IPMK: variants seen among roughly 807,000 people sequenced by gnomAD.
IPMK encodes inositol polyphosphate multikinase.
In IPMK, 17 loss-of-function variants were observed where a neutral mutation model predicts 45.8. The observed-to-expected ratio is 0.37, with a 90% CI of 0.25 to 0.56. The LOEUF (loss-of-function observed/expected upper bound fraction) is 0.56, where lower values mean the gene tolerates loss of function less well. IPMK is among the 20% of genes least tolerant of loss of function. The pLI, the probability that IPMK is intolerant of heterozygous loss-of-function variation, is 0.79. For synonymous variants in IPMK, 180 were observed against 184.3 expected (o/e 0.98, Z 0.19); for missense variants, 399 against 498.0 (o/e 0.80, Z 1.89).
chr10:58,218,238 G>T (rs1241930183), intron 3 of IPMK, among the ~76,000 whole-genome samples: 3 of 152,122 alleles, frequency 2.0e-5, no homozygotes, highest in Non-Finnish European at 4.4e-5. Context: ...CAGGATAAGA[G>T]AAAACAAAAG....
chr10:58,267,875 A>C lies in IPMK; in HGVS notation c.-264T>G. ...CGCCGGCCCCGGCGCTGCCCGGTAG[A>C]CAGAACCGAGCCGAAGAACAGCAGC... On this transcript the variant is annotated 5_prime_UTR_variant, in exon 1 of 6. Transcript: ENST00000373935. The C allele has an allele frequency of 2.5e-6, 1 of 407,886 alleles. No individual in the cohort carries two copies. 25.3% of individuals were successfully genotyped at this position (407,886 alleles called of 1,614,324 possible).
chr10:58,253,746 A>AG (rs947590969), intron 1 of IPMK, among the ~76,000 whole-genome samples: 1 of 137,358 alleles, frequency 7.3e-6, no homozygotes, highest in African/African-American at 3.1e-5. Flanking sequence ...AAAAAAAAAA[A>AG]AAAAGAAAAA....
At chr10:58,258,641 G>T (rs1451333266) in intron 1 of IPMK, among the ~76,000 whole-genome samples, 2 of 151,972 alleles carry the variant, frequency 1.3e-5, no homozygotes, top group African/African-American at 2.4e-5. Context: ...AATTCACAAT[G>T]GAAATTAGAA....
chr10:58,212,057 C>T (rs12251970), intron 4 of IPMK, among the ~76,000 whole-genome samples: 6,483 of 151,906 alleles, frequency 0.043, 182 homozygotes, highest in East Asian at 0.14. Flanking sequence ...CAACTACTTC[C>T]ATTGTAGGTG....
In IPMK at chr10:58,261,085, T is replaced by C. The variant is rs560728501; in HGVS notation, c.190+6337A>G. Among the ~76,000 whole-genome samples, 7 of 131,194 alleles carry C rather than the reference T, an allele frequency of 5.3e-5. No homozygotes were observed. In the South Asian group the frequency reaches 1.6e-3, roughly 30 times the overall value. 86.1% of individuals were successfully genotyped at this position (131,194 alleles called of 152,430 possible). A position where few individuals can be genotyped will look rare whatever the true frequency, so the allele number is the denominator to read the frequency against. On this transcript the variant is annotated intron_variant, in intron 1 of 5. Transcript: ENST00000373935. ...GCCAAAAGCAAATCCAGGAAATTGA[T>C]TGAATATGCACGGCTGAGCTATAAA...
At chr10:58,249,236 T>G (rs1838848429) in intron 1 of IPMK, among the ~76,000 whole-genome samples, 1 of 152,172 alleles carries the variant, frequency 6.6e-6, no homozygotes, top group Non-Finnish European at 1.5e-5. Context: ...TGTTGTTGTT[T>G]TTGAGATAGG....
chr10:58,199,351 G>A, intron 4 of IPMK, 30 bp from the exon 5 acceptor site: 1 of 1,471,000 alleles, frequency 6.8e-7, no homozygotes, highest in Non-Finnish European at 9.3e-7. Flanking sequence ...ATATTAAAAA[G>A]CTAATACTCC....
intron 2 of IPMK, among the ~76,000 whole-genome samples, chr10:58,235,603 G>A (rs894494429): frequency 6.6e-6 from 1 of 152,188 alleles, no homozygotes; most frequent in Non-Finnish European, 1.5e-5. Flanking sequence ...ACTAATAGGT[G>A]GGAATTGAAC....
At chr10:58,217,178 T>TTTA (rs1564530957) in intron 3 of IPMK, among the ~76,000 whole-genome samples, 1 of 149,662 alleles carries the variant, frequency 6.7e-6, no homozygotes, top group Non-Finnish European at 1.5e-5. Flanking sequence ...TTTTTTTTTT[T>TTTA]AGAACACAGG....
chr10:58,230,156 C>G lies in IPMK; in HGVS notation c.277-3017G>C, dbSNP rs181187687. Among the ~76,000 whole-genome samples, 272 of 152,314 alleles carry G rather than the reference C, an allele frequency of 1.8e-3. 1 individual carries two copies. The highest frequency in any genetic ancestry group is 6.3e-3 in the African/African-American group (262 of 41,566). ...TGGTAAACAAAGAAGCTGGGAAGCT[C>G]GAACTGGGTGGAGCCCACTGCAGCT... On this transcript the variant is annotated intron_variant, in intron 2 of 5. Coordinates refer to ENST00000373935, the MANE Select transcript of IPMK (RefSeq NM_152230.5).
intron 1 of IPMK, among the ~76,000 whole-genome samples, chr10:58,266,754 CAAG>C (rs1481704889): frequency 6.6e-6 from 1 of 152,136 alleles, no homozygotes; most frequent in African/African-American, 2.4e-5. Context: ...ATAAAATGAA[CAAG>C]AATAGCTGAA....
chr10:58,233,752 C>T (rs1838563680), intron 2 of IPMK, among the ~76,000 whole-genome samples: 1 of 152,162 alleles, frequency 6.6e-6, no homozygotes, highest in African/African-American at 2.4e-5. Context: ...CCTTTGAAAA[C>T]TGGCACAAGA....
At chr10:58,224,567 C>G (rs1838385503) in intron 3 of IPMK, among the ~76,000 whole-genome samples, 1 of 152,114 alleles carries the variant, frequency 6.6e-6, no homozygotes, top group Non-Finnish European at 1.5e-5. Context: ...TAAATTATAT[C>G]TCAATAAAAC....
At chr10:58,198,028 GAAAACAAAAAACAAAAC>G (rs1837935002) in intron 5 of IPMK, among the ~76,000 whole-genome samples, 3 of 151,942 alleles carry the variant, frequency 2.0e-5, no homozygotes, top group East Asian at 1.9e-4. Context: ...AGACTGTCTT[GAAAACAAAAAACAAAAC>G]AAAACAAAAA....
At position 58,267,405 on chromosome 10, in the gene IPMK, A is replaced by G. The variant is rs368122524; in HGVS notation, c.190+17T>C. ...AGGCGGAAGGGGAGCGGCGAGACCTATGCCACCCCCACTTACCCACTTTGT... is the reference window on the plus strand; with the variant it reads ...AGGCGGAAGGGGAGCGGCGAGACCTGTGCCACCCCCACTTACCCACTTTGT... On this transcript the variant is annotated intron_variant, in intron 1 of 5. Coordinates refer to ENST00000373935, the MANE Select transcript of IPMK (RefSeq NM_152230.5). 3.1e-6 allele frequency: 5 copies of G among 1,611,982 alleles called. No homozygotes were observed. Among genetic ancestry groups the G allele is most frequent in the Non-Finnish European group, 3.4e-6 (4 of 1,178,374 alleles).
At chr10:58,211,805 C>T (rs1368698440) in intron 4 of IPMK, among the ~76,000 whole-genome samples, 23 of 184 alleles carry the variant, frequency 0.12, no homozygotes, top group Admixed American at 0.17. Context: ...CCCAGCTACT[C>T]GGAAGAGGCT....
chr10:58,230,378 T>C (rs1838494806), intron 2 of IPMK, among the ~76,000 whole-genome samples: 1 of 152,196 alleles, frequency 6.6e-6, no homozygotes. Context: ...CCGTGTAGCC[T>C]AACTGGGAGA....
intron 4 of IPMK, among the ~76,000 whole-genome samples, chr10:58,201,270 T>C (rs544097640): frequency 6.6e-6 from 1 of 152,332 alleles, no homozygotes; most frequent in East Asian, 1.9e-4. Context: ...TACTGCATTA[T>C]TTACAAATTG....
At position 58,196,187 on chromosome 10, in the gene IPMK, T is replaced by C; in HGVS notation, c.1140A>G (p.Glu380=). 1.2e-6 allele frequency: 2 copies of C among 1,614,130 alleles called. No homozygotes were observed. The highest frequency in any genetic ancestry group is 1.7e-6 in the Non-Finnish European group (2 of 1,179,992). ...CATGAGCAAAATCTATCATTCGCAC[T>C]TCTACTTCAGCAATCTCTTGGCAAC... The part of the protein sequence containing the change: ...PTGCQEIAEV[E]VRMIDFAHVF... Residue 380 remains glutamate (E), a synonymous_variant, in exon 6 of 6, where the codon GAA becomes GAG. Coordinates refer to ENST00000373935, the MANE Select transcript of IPMK (RefSeq NM_152230.5).
Sources: allele counts gnomAD v4.1 joint callset (sites outside exome capture counted in the v4.1 genomes callset), GRCh38; gene constraint gnomAD v4.1.1; transcripts MANE v1.5; gene names NCBI Gene and HGNC (gene_info 2026-07-23, HGNC 2026-07-21).